Variants in GABRA5 observed in about 807,000 individuals in gnomAD.
The protein encoded by GABRA5 is gamma-aminobutyric acid type A receptor subunit alpha5.
Under a neutral mutation model 47.3 loss-of-function variants are expected in GABRA5, and 18 were observed. That is an observed-to-expected ratio of 0.38 (90% CI 0.26 to 0.56). The LOEUF is 0.56. Ranked by LOEUF, GABRA5 falls within the 20% of genes least tolerant of loss-of-function variation. The pLI is 0.71. For synonymous variants in GABRA5, 237 were observed against 229.3 expected (o/e 1.03, Z -0.30); for missense variants, 365 against 599.3 (o/e 0.61, Z 4.08).
chr15:26,928,401 C>T (rs1370829131), intron 7 of GABRA5, among the ~76,000 whole-genome samples: 1 of 152,146 alleles, frequency 6.6e-6, no homozygotes, highest in African/African-American at 2.4e-5. Flanking sequence ...TGTGCGGTGT[C>T]TGAATTTAGA....
intron 8 of GABRA5, chr15:26,939,555 C>A (rs1263455197): frequency 9.6e-6 from 6 of 623,962 alleles, no homozygotes; most frequent in Non-Finnish European, 1.7e-5. Context: ...CTCTGCAGGG[C>A]TCTGTGAAAT....
chr15:26,930,481 C>T (rs762912667), intron 7 of GABRA5, among the ~76,000 whole-genome samples: 3 of 152,292 alleles, frequency 2.0e-5, no homozygotes, highest in East Asian at 1.9e-4. Flanking sequence ...GACTATAACA[C>T]GAACATGGTT....
intron 6 of GABRA5, among the ~76,000 whole-genome samples, chr15:26,908,857 C>T (rs1194121821): frequency 6.6e-6 from 1 of 152,160 alleles, no homozygotes; most frequent in Non-Finnish European, 1.5e-5. Context: ...CTGCAGTGAA[C>T]ATGATGTGAG....
At chr15:26,886,810 G>A (rs1892891535) in intron 6 of GABRA5, among the ~76,000 whole-genome samples, 1 of 152,166 alleles carries the variant, frequency 6.6e-6, no homozygotes, top group African/African-American at 2.4e-5. Flanking sequence ...TGAGCTGCAA[G>A]GTTGATAATG....
rs12441770 is a variant in GABRA5 at position 26,930,538 on chromosome 15, G to T, written c.581-6647G>T. Among the ~76,000 whole-genome samples the T allele has an allele frequency of 0.011, 1,712 of 152,230 alleles. 101 individuals are homozygous for T. In the East Asian group the frequency reaches 0.18, roughly 16 times the overall value. ...GGTAACAAGGATCACCTGTCTTCCA[G>T]TTTCCAATAACATGTTCCTCATTTT... On this transcript the variant is annotated intron_variant, in intron 7 of 10. Transcript: ENST00000335625.
chr15:26,898,292 C>T (rs1595409446), intron 6 of GABRA5, among the ~76,000 whole-genome samples: 2 of 135,976 alleles, frequency 1.5e-5, no homozygotes, highest in African/African-American at 5.5e-5. Context: ...GGATGCTGTA[C>T]AGCTGTGCTG....
At chr15:26,897,067 C>G (rs2140275869) in intron 6 of GABRA5, among the ~76,000 whole-genome samples, 1 of 151,760 alleles carries the variant, frequency 6.6e-6, no homozygotes, top group South Asian at 2.1e-4. Flanking sequence ...ACATTTACAA[C>G]ACATTTATGA....
At chr15:26,873,347 G>A (rs936036360) in intron 3 of GABRA5, among the ~76,000 whole-genome samples, 4 of 152,140 alleles carry the variant, frequency 2.6e-5, no homozygotes, top group Non-Finnish European at 4.4e-5. Flanking sequence ...TAAAGGCTGA[G>A]TCCATTGATT....
intron 3 of GABRA5, among the ~76,000 whole-genome samples, chr15:26,879,549 A>G (rs1240248554): frequency 6.6e-6 from 1 of 152,224 alleles, no homozygotes; most frequent in East Asian, 1.9e-4. Context: ...ATGCATTTTT[A>G]TGGTGATGTG....
rs377225580 is a variant in GABRA5 at position 26,943,183 on chromosome 15, G to A, written c.878-32G>A. On this transcript the variant is annotated intron_variant, in intron 9 of 10. Coordinates refer to ENST00000335625, the MANE Select transcript of GABRA5 (RefSeq NM_000810.4). ...GGTGCCAGCACTGACCCCTGTTTCC[G>A]TTTTTCACTCTGCCCTGCCTGACCC... is the stretch of plus-strand genomic sequence containing the variant. 46 of 1,528,570 alleles carry A rather than the reference G, an allele frequency of 3.0e-5. No individual in the cohort carries two copies. In the African/African-American group the frequency reaches 3.6e-4, roughly 12 times the overall value. 94.7% of individuals were successfully genotyped at this position (1,528,570 alleles called of 1,614,324 possible).
At chr15:26,912,210 T>C (rs1234210588) in intron 6 of GABRA5, among the ~76,000 whole-genome samples, 2 of 152,258 alleles carry the variant, frequency 1.3e-5, no homozygotes, top group Non-Finnish European at 2.9e-5. Context: ...CATTTATTGC[T>C]ATGGATCTAA....
chr15:26,935,262 CAA>C (rs1314556674), intron 7 of GABRA5, among the ~76,000 whole-genome samples: 1 of 152,210 alleles, frequency 6.6e-6, no homozygotes, highest in East Asian at 1.9e-4. Flanking sequence ...TCGTCAATAT[CAA>C]GAGGTCATTT....
intron 7 of GABRA5, among the ~76,000 whole-genome samples, chr15:26,931,607 A>G (rs915959111): frequency 2.0e-5 from 3 of 152,234 alleles, no homozygotes; most frequent in Admixed American, 2.0e-4. Flanking sequence ...AGCATGAACC[A>G]TGGCCTGTTT....
intron 6 of GABRA5, among the ~76,000 whole-genome samples, chr15:26,909,305 C>T (rs993745357): frequency 2.0e-5 from 3 of 152,168 alleles, no homozygotes; most frequent in Non-Finnish European, 4.4e-5. Flanking sequence ...TTGTCCCACC[C>T]AGATAACCCA....
chr15:26,925,205 A>C (rs1566881841), intron 7 of GABRA5, among the ~76,000 whole-genome samples: 2 of 150,268 alleles, frequency 1.3e-5, no homozygotes. Context: ...ATTTCTTCTA[A>C]TTTTTTTTTT....
At chr15:26,947,583 G>A (rs1217916557) in intron 10 of GABRA5, among the ~76,000 whole-genome samples, 2 of 152,120 alleles carry the variant, frequency 1.3e-5, no homozygotes, top group African/African-American at 4.8e-5. Context: ...TGGTGTATAT[G>A]TACCACACTT....
intron 3 of GABRA5, among the ~76,000 whole-genome samples, chr15:26,870,172 A>G (rs983356305): frequency 2.0e-5 from 3 of 152,246 alleles, no homozygotes; most frequent in African/African-American, 7.2e-5. Context: ...TTCACAGCCT[A>G]TCCACATTTA....
At chr15:26,874,895 G>A (rs1892555289) in intron 3 of GABRA5, among the ~76,000 whole-genome samples, 1 of 152,232 alleles carries the variant, frequency 6.6e-6, no homozygotes, top group African/African-American at 2.4e-5. Context: ...AGGACCGCTG[G>A]TGAATATTTA....
At chr15:26,932,675 A>T (rs1474673707) in intron 7 of GABRA5, among the ~76,000 whole-genome samples, 1 of 152,238 alleles carries the variant, frequency 6.6e-6, no homozygotes, top group Non-Finnish European at 1.5e-5. Flanking sequence ...GCATATGTTC[A>T]TTGCACCATT....
Sources: gnomAD v4.1 joint callset for allele counts (sites outside exome capture counted in the v4.1 genomes callset) on GRCh38, gnomAD v4.1.1 for gene constraint, MANE v1.5 for transcripts, NCBI Gene and HGNC (gene_info 2026-07-23, HGNC 2026-07-21) for gene names.